CDC42BPA: variants seen among roughly 807,000 people sequenced by gnomAD.
The protein encoded by CDC42BPA is serine/threonine-protein kinase MRCK alpha.
A neutral mutation model predicts 223.5 loss-of-function variants in CDC42BPA; 80 were observed. The observed-to-expected ratio is 0.36, with a 90% CI of 0.30 to 0.43. The LOEUF is 0.43. Ranked by LOEUF, CDC42BPA falls within the 20% of genes least tolerant of loss-of-function variation. CDC42BPA has a pLI of 1.00. For missense variants in CDC42BPA, 1,743 were observed against 2,099.9 expected, an observed-to-expected ratio of 0.83 and a Z score of 3.32; for synonymous variants, 694 against 718.6, an observed-to-expected ratio of 0.97 and a Z score of 0.55.
chr1:227,317,157 T>C lies in CDC42BPA; in HGVS notation c.26A>G (p.Gln9Arg). Residue 9 changes from glutamine (Q) to arginine (R), a missense_variant, in exon 1 of 37, where the codon CAG becomes CGG. Gln to Arg is a conservative substitution (Grantham distance 43, BLOSUM62 1). Transcript: ENST00000366766. Reference sequence around the variant, plus strand: ...CCCGTCCAAAATAAACTGCTCCAACTGCCTCAAACGCACTTCTCCAGACAT... The same window carrying C: ...CCCGTCCAAAATAAACTGCTCCAACCGCCTCAAACGCACTTCTCCAGACAT... MSGEVRLR[Q>R]LEQFILDGPA... 1 of 1,613,004 alleles carries C rather than the reference T, an allele frequency of 6.2e-7. No individual in the cohort carries two copies. Among genetic ancestry groups the C allele is most frequent in the Non-Finnish European group, 8.5e-7 (1 of 1,179,756 alleles).
At chr1:227,311,384 C>T (rs967642198) in intron 1 of CDC42BPA, among the ~76,000 whole-genome samples, 44 of 152,268 alleles carry the variant, frequency 2.9e-4, no homozygotes, top group African/African-American at 9.4e-4. Context: ...CTAAGCAATT[C>T]TTGGTCCTCG....
At chr1:227,025,294 C>T (rs16846833) in intron 31 of CDC42BPA, among the ~76,000 whole-genome samples, 10,237 of 152,114 alleles carry the variant, frequency 0.067, 540 homozygotes, top group East Asian at 0.25. Flanking sequence ...ATGACCAATC[C>T]AAATTTACAA....
rs1171763402 is a variant in CDC42BPA at position 227,318,101 on chromosome 1, C to G, written c.-919G>C. 7.7e-6 allele frequency: 1 copy of G among 129,750 alleles called. No homozygotes were observed. Among genetic ancestry groups the G allele is most frequent in the Non-Finnish European group, 1.2e-5 (1 of 80,050 alleles). 8.0% of individuals were successfully genotyped at this position (129,750 alleles called of 1,614,324 possible). The stretch of plus-strand genomic sequence containing the variant: ...CGCCGCGCCGGGCAGAGAGCCCGGT[C>G]TCCCCGACACCCGCACCGGGCCGCC... On this transcript the variant is annotated 5_prime_UTR_variant, in exon 1 of 37. Transcript: ENST00000366766.
intron 4 of CDC42BPA, among the ~76,000 whole-genome samples, chr1:227,195,759 C>T (rs1198333446): frequency 6.6e-6 from 1 of 151,930 alleles, no homozygotes; most frequent in East Asian, 1.9e-4. Context: ...ATTTGGTACT[C>T]CTAATCACAA....
intron 17 of CDC42BPA, among the ~76,000 whole-genome samples, chr1:227,078,658 A>T (rs922389482): frequency 6.6e-6 from 1 of 152,060 alleles, no homozygotes; most frequent in East Asian, 1.9e-4. Flanking sequence ...AAGAGAGAGG[A>T]GGTGGAGTTC....
At chr1:227,073,105 T>C (rs2149073041) in intron 19 of CDC42BPA, among the ~76,000 whole-genome samples, 1 of 152,266 alleles carries the variant, frequency 6.6e-6, no homozygotes, top group African/African-American at 2.4e-5. Flanking sequence ...AAAAACTGAA[T>C]TCATGGGCCT....
intron 3 of CDC42BPA, among the ~76,000 whole-genome samples, chr1:227,200,169 G>A (rs995967611): frequency 3.9e-5 from 6 of 152,072 alleles, no homozygotes; most frequent in Non-Finnish European, 5.9e-5. Flanking sequence ...AGTGGCTCAC[G>A]CCTATAATCC....
intron 14 of CDC42BPA, among the ~76,000 whole-genome samples, chr1:227,103,177 T>C (rs867318305): frequency 1.8e-4 from 27 of 152,088 alleles, no homozygotes; most frequent in African/African-American, 6.3e-4. Flanking sequence ...AAAAAATGAA[T>C]ATTGTAAAGA....
At chr1:227,218,461 C>T (rs1299120701) in intron 2 of CDC42BPA, among the ~76,000 whole-genome samples, 2 of 152,186 alleles carry the variant, frequency 1.3e-5, no homozygotes, top group Non-Finnish European at 2.9e-5. Context: ...TAGCACTGGG[C>T]TAAGCATATT....
chr1:227,025,869 T>A (rs1048934858), intron 31 of CDC42BPA, among the ~76,000 whole-genome samples, 186 bp downstream of exon 31: 19 of 152,320 alleles, frequency 1.2e-4, no homozygotes, highest in Non-Finnish European at 2.5e-4. Context: ...AGTATGGTTT[T>A]AGTGAGGCAT....
chr1:227,075,499 C>A (rs999911547), intron 17 of CDC42BPA, among the ~76,000 whole-genome samples: 11 of 152,022 alleles, frequency 7.2e-5, no homozygotes, highest in African/African-American at 2.7e-4. Flanking sequence ...TATGGAGATG[C>A]AATAAAACCA....
At chr1:227,006,451 A>G (rs1359426709) in intron 34 of CDC42BPA, among the ~76,000 whole-genome samples, 1 of 152,216 alleles carries the variant, frequency 6.6e-6, no homozygotes. Flanking sequence ...TCTGTGCCCC[A>G]GTTCCCTCAG....
chr1:227,306,004 A>G (rs1000617052), intron 1 of CDC42BPA, among the ~76,000 whole-genome samples: 3 of 152,164 alleles, frequency 2.0e-5, no homozygotes, highest in Non-Finnish European at 2.9e-5. Flanking sequence ...GAAAAAGAGA[A>G]GTAAACAGGA....
intron 1 of CDC42BPA, among the ~76,000 whole-genome samples, chr1:227,298,211 A>G (rs78903489): frequency 0.054 from 8,182 of 151,822 alleles, 244 homozygotes; most frequent in Non-Finnish European, 0.073. Flanking sequence ...AAATTCATAT[A>G]TATTGCCAAG....
At chr1:227,231,150 G>A (rs1677868950) in intron 2 of CDC42BPA, among the ~76,000 whole-genome samples, 1 of 79,498 alleles carries the variant, frequency 1.3e-5, no homozygotes, top group Non-Finnish European at 2.3e-5. Context: ...CCCACCCCAC[G>A]ACAGGCCCCA....
intron 14 of CDC42BPA, among the ~76,000 whole-genome samples, chr1:227,108,318 G>A (rs887510057): frequency 3.3e-5 from 5 of 151,706 alleles, no homozygotes; most frequent in East Asian, 1.9e-4. Context: ...TTTCATTCAC[G>A]TATTTTCTAA....
intron 5 of CDC42BPA, among the ~76,000 whole-genome samples, chr1:227,193,233 CT>C (rs1029749017): frequency 1.3e-5 from 1 of 76,858 alleles, no homozygotes; most frequent in Middle Eastern, 6.5e-3. Context: ...CCACGCCCGG[CT>C]AATTTTTTTT....
rs544559772 is a variant in CDC42BPA at position 227,044,487 on chromosome 1, C to G, written c.3093+3440G>C. Among the ~76,000 whole-genome samples the G allele has an allele frequency of 2.0e-5, 3 of 152,244 alleles. No homozygotes were observed. The South Asian group carries it at 6.2e-4, about 32-fold the overall frequency. On this transcript the variant is annotated intron_variant, in intron 23 of 36. Transcript: ENST00000366766. ...TGGTTGAAAAAGTAAAATGGTATTA[C>G]AATGCTTATGACAAAATCAGAAGTA...
chr1:227,203,744 A>C (rs1429539339), intron 3 of CDC42BPA, among the ~76,000 whole-genome samples: 2 of 152,226 alleles, frequency 1.3e-5, no homozygotes, highest in African/African-American at 2.4e-5. Context: ...TTCAACTGTT[A>C]TACAGTTTTC....
Sources: gnomAD v4.1 joint callset for allele counts (sites outside exome capture counted in the v4.1 genomes callset) on GRCh38, gnomAD v4.1.1 for gene constraint, MANE v1.5 for transcripts, NCBI Gene and HGNC (gene_info 2026-07-23, HGNC 2026-07-21) for gene names.